The following EVC variants were observed in gnomAD, a reference collection of about 807,000 sequenced individuals.
EVC encodes evC complex member EVC.
In EVC, 116 loss-of-function variants were observed where a neutral mutation model predicts 118.9. The ratio of observed to expected loss-of-function variants is 0.98; its 90% confidence interval spans 0.84 to 1.14. EVC has a LOEUF of 1.14. Ranked by LOEUF, EVC falls within the 50% of genes most tolerant of loss-of-function variation. The pLI, the probability that EVC is intolerant of heterozygous loss-of-function variation, is 0.00. For synonymous variants in EVC, 619 were observed against 534.7 expected, an observed-to-expected ratio of 1.16 and a Z score of -2.18; for missense variants, 1,401 against 1,246.4, an observed-to-expected ratio of 1.12 and a Z score of -1.87.
rs114795599 is a variant in EVC, at chr4:5,719,582, A to G, written c.300+209A>G. Among the ~76,000 whole-genome samples, 815 of 152,314 alleles carry G rather than the reference A, an allele frequency of 5.4e-3. 13 individuals carry two copies. The highest frequency in any genetic ancestry group is 0.017 in the African/African-American group (709 of 41,562). On this transcript the variant is annotated intron_variant, in intron 2 of 20. Transcript: ENST00000264956. The surrounding 1 kb of genome is among the most constrained non-coding windows in gnomAD (Gnocchi z 4.7). ...TGACAATTGCATGCCCCTTAGAACA[A>G]ATACCCCCCTGAGAATGTTTTCATC...
rs759816860 is a variant in EVC, at chr4:5,719,292, G to T, written c.219G>T (p.Ala73=). The T allele has an allele frequency of 1.2e-6, 2 of 1,614,032 alleles. No individual in the cohort carries two copies. The highest frequency in any genetic ancestry group is 2.7e-5 in the African/African-American group (2 of 74,910). Residue 73 remains alanine (A), a synonymous_variant, in exon 2 of 21, where the codon GCG becomes GCT. Transcript: ENST00000264956. This position sits in a 1 kb window ranked among gnomAD's most constrained non-coding sequence, Gnocchi z 4.7. ...QNLLKNLESN[A]QTPSETGSPS... The stretch of plus-strand genomic sequence containing the variant: ...TGCTCAAGAATTTGGAGTCTAATGC[G>T]CAGACCCCCTCGGAAACTGGCTCCC...
chr4:5,723,425 G>A (rs778183156), intron 2 of EVC, among the ~76,000 whole-genome samples: 5 of 152,008 alleles, frequency 3.3e-5, no homozygotes, highest in Non-Finnish European at 5.9e-5. Flanking sequence ...TCCTGACCTC[G>A]TGATCTGCCC....
intron 11 of EVC, among the ~76,000 whole-genome samples, chr4:5,782,683 TAAGAC>T (rs952394396): frequency 2.6e-5 from 4 of 151,450 alleles, no homozygotes; most frequent in South Asian, 2.1e-4. Flanking sequence ...AACAGAATGA[TAAGAC>T]AAGAGGCAGG....
At chr4:5,784,428 T>C (rs904046560) in intron 12 of EVC, among the ~76,000 whole-genome samples, 7 of 151,996 alleles carry the variant, frequency 4.6e-5, no homozygotes, top group Non-Finnish European at 7.4e-5. Flanking sequence ...AGGAGCACAT[T>C]CTCCCCTATA....
chr4:5,799,057 C>G (rs1004822162), intron 15 of EVC, among the ~76,000 whole-genome samples: 1 of 152,164 alleles, frequency 6.6e-6, no homozygotes, highest in African/African-American at 2.4e-5. Flanking sequence ...CTCTGTCTTC[C>G]CAGCAGCACT....
At chr4:5,713,810 A>G (rs1201550414) in intron 1 of EVC, among the ~76,000 whole-genome samples, 2 of 151,148 alleles carry the variant, frequency 1.3e-5, no homozygotes, top group East Asian at 3.9e-4. Context: ...GGCTAAGGCA[A>G]GAGAATCGCT....
At position 5,752,834 on chromosome 4, in the gene EVC, A is replaced by C; in HGVS notation, c.1099-2A>C. 1 of 1,614,120 alleles carries C rather than the reference A, an allele frequency of 6.2e-7. No individual in the cohort carries two copies. Among genetic ancestry groups the C allele is most frequent in the Non-Finnish European group, 8.5e-7 (1 of 1,179,966 alleles). On this transcript the variant is annotated splice_acceptor_variant, in intron 8 of 20. Coordinates refer to ENST00000264956, the MANE Select transcript of EVC (RefSeq NM_153717.3). LOFTEE classifies it high-confidence loss of function. ...TATGGTCCTGTGTGTTTCTTTTTGCAGGACGCCCTGGAGAGGACGATGGGG... is the reference window on the plus strand; with the variant it reads ...TATGGTCCTGTGTGTTTCTTTTTGCCGGACGCCCTGGAGAGGACGATGGGG...
At position 5,752,961 on chromosome 4, in the gene EVC, T is replaced by A; in HGVS notation, c.1224T>A (p.Ala408=). The A allele has an allele frequency of 6.2e-7, 1 of 1,614,006 alleles. No homozygotes were observed. The highest frequency in any genetic ancestry group is 1.3e-5 in the African/African-American group (1 of 75,056). The part of the protein sequence containing the change: ...AAISHGLELL[A]GEGKLSGRQK... ...TCTCCCACGGCCTGGAGCTGCTGGC[T>A]GGTGAGGGGAAGCTGTCCGGGCGGC... The change falls in exon 9 of 21, where the codon GCT becomes GCA. Residue 408 remains alanine (A), a synonymous_variant. Transcript: ENST00000264956.
Position 5,711,276 on chromosome 4 carries a change from G to GCCGCGCCCCTGGC in EVC, c.-100_-88dup. The GCCGCGCCCCTGGC allele has an allele frequency of 1.3e-6, 1 of 758,674 alleles. No homozygotes were observed. Among genetic ancestry groups the GCCGCGCCCCTGGC allele is most frequent in the Non-Finnish European group, 1.6e-6 (1 of 622,308 alleles). The allele number at this position is 758,674 out of a possible 1,614,324, so 47.0% of individuals were successfully genotyped here. On this transcript the variant is annotated 5_prime_UTR_variant, in exon 1 of 21. Coordinates refer to ENST00000264956, the MANE Select transcript of EVC (RefSeq NM_153717.3). The stretch of plus-strand genomic sequence containing the variant: ...ACAGGCCAGAAAGTCTGCGGAGCGG[G>GCCGCGCCCCTGGC]CCGCGCCCCTGGCCCGCCCGGGCTC...
intron 11 of EVC, among the ~76,000 whole-genome samples, chr4:5,761,516 G>A (rs1445606780): frequency 6.6e-6 from 1 of 151,230 alleles, no homozygotes. Context: ...GGGTGGTTGG[G>A]GGGTGGGGCA....
intron 2 of EVC, among the ~76,000 whole-genome samples, chr4:5,723,609 T>C (rs1399669426): frequency 3.3e-5 from 5 of 152,138 alleles, no homozygotes; most frequent in East Asian, 3.9e-4. Flanking sequence ...TTTTCTCCCC[T>C]GTTTGTAGGA....
the EVC span, chr4:5,825,564 G>A: frequency 1.9e-6 from 3 of 1,599,278 alleles, no homozygotes; most frequent in Non-Finnish European, 2.6e-6. This position sits in a 1 kb window ranked among gnomAD's most constrained non-coding sequence, Gnocchi z 4.4. Context: ...GCGAAGATTT[G>A]GCTGAAGGAG....
At chr4:5,736,136 C>T (rs935116033) in intron 5 of EVC, among the ~76,000 whole-genome samples, 2 of 151,988 alleles carry the variant, frequency 1.3e-5, no homozygotes, top group Non-Finnish European at 2.9e-5. Context: ...AACAGAGTGG[C>T]CAGGATGAGA....
chr4:5,777,851 A>G (rs2035306), intron 11 of EVC, among the ~76,000 whole-genome samples: 56,618 of 146,292 alleles, frequency 0.39, 10,801 homozygotes, highest in Admixed American at 0.49. Flanking sequence ...TGTTGTTGTT[A>G]TTATACTTTA....
chr4:5,824,897 A>ATT, the EVC span: 51 of 985,264 alleles, frequency 5.2e-5, no homozygotes, highest in South Asian at 2.1e-3. Flanking sequence ...AGACCTTAAG[A>ATT]AAGTCAGGAG....
chr4:5,814,922 G>A (rs951710365), downstream of EVC, among the ~76,000 whole-genome samples: 4 of 152,092 alleles, frequency 2.6e-5, no homozygotes, highest in African/African-American at 9.7e-5. Context: ...ACTGGGGTGA[G>A]GTCGGTGGGG....
rs1714337683 is a variant in EVC at position 5,798,262 on chromosome 4, G to A, written c.2098-324G>A. On this transcript the variant is annotated intron_variant, in intron 14 of 20. Coordinates refer to ENST00000264956, the MANE Select transcript of EVC (RefSeq NM_153717.3). The surrounding 1 kb of genome is among the most constrained non-coding windows in gnomAD (Gnocchi z 4.1). Reference sequence around the variant, plus strand: ...AGTTACTTAACTTCTCTGAGCCTTCGTGTCCTCCTCAGTGCTAGTGTTCAG... The same window carrying A: ...AGTTACTTAACTTCTCTGAGCCTTCATGTCCTCCTCAGTGCTAGTGTTCAG... Among the ~76,000 whole-genome samples the A allele has an allele frequency of 6.6e-6, 1 of 152,142 alleles. No homozygotes were observed. The highest frequency in any genetic ancestry group is 2.4e-5 in the African/African-American group (1 of 41,434).
At chr4:5,780,323 T>C (rs1304347900) in intron 11 of EVC, among the ~76,000 whole-genome samples, 2 of 152,212 alleles carry the variant, frequency 1.3e-5, no homozygotes, top group Non-Finnish European at 2.9e-5. Context: ...AGAATATGTT[T>C]ATTTTCCTTT....
rs1715585498 is a variant in EVC, at chr4:5,804,729, G to A, written c.2450-1G>A. On this transcript the variant is annotated splice_acceptor_variant, in intron 16 of 20. Transcript: ENST00000264956. LOFTEE classifies it high-confidence loss of function. ...TGATTGTCCTGTGTTAAATGGTCTA[G>A]GTGAGAGGATGGAAAATTACAAACT... The A allele has an allele frequency of 1.2e-6, 2 of 1,613,978 alleles. No homozygotes were observed. The highest frequency in any genetic ancestry group is 1.7e-6 in the Non-Finnish European group (2 of 1,179,860).
Sources: allele counts gnomAD v4.1 joint callset (sites outside exome capture counted in the v4.1 genomes callset), GRCh38; gene constraint gnomAD v4.1.1; non-coding constraint Gnocchi (gnomAD v3.1); transcripts MANE v1.5; gene names NCBI Gene and HGNC (gene_info 2026-07-23, HGNC 2026-07-21).